The following PPFIBP1 variants were observed in gnomAD, a reference collection of about 807,000 sequenced individuals.
The protein encoded by PPFIBP1 is PPFIB scaffold protein 1.
In PPFIBP1, 112 loss-of-function variants were observed where a neutral mutation model predicts 137.8. That is an observed-to-expected ratio of 0.81 (90% CI 0.70 to 0.95). The LOEUF (loss-of-function observed/expected upper bound fraction) is 0.95, where lower values mean the gene tolerates loss of function less well. Among genes scored for constraint, PPFIBP1 ranks in the 40% least tolerant of loss-of-function variants. The probability of loss-of-function intolerance (pLI) is 0.00; values close to 1 mark genes in which losing one functional copy is unlikely to be tolerated. For synonymous variants in PPFIBP1, 378 were observed against 417.3 expected, an observed-to-expected ratio of 0.91 and a Z score of 1.15; for missense variants, 1,083 against 1,196.6, an observed-to-expected ratio of 0.91 and a Z score of 1.40.
intron 15 of PPFIBP1, among the ~76,000 whole-genome samples, chr12:27,673,003 G>T (rs1292944924): frequency 1.3e-5 from 2 of 152,076 alleles, no homozygotes; most frequent in Non-Finnish European, 2.9e-5. Flanking sequence ...TACTTTATTT[G>T]GTAGTTGATA....
chr12:27,626,213 A>T lies in PPFIBP1; in HGVS notation c.-35-7149A>T, dbSNP rs945483064. Among the ~76,000 whole-genome samples, 11 of 152,202 alleles carry T rather than the reference A, an allele frequency of 7.2e-5. 1 individual carries two copies. The highest frequency in any genetic ancestry group is 2.7e-4 in the African/African-American group (11 of 41,462). ...AGAAACAGAAAACAAGGAGGGTTGT[A>T]TTTAAGAATCTCTAAAATGTTGCAC... On this transcript the variant is annotated intron_variant, in intron 2 of 29. Coordinates refer to ENST00000228425, the MANE Select transcript of PPFIBP1 (RefSeq NM_003622.4).
intron 25 of PPFIBP1, chr12:27,688,086 T>C: frequency 4.3e-6 from 2 of 464,032 alleles, no homozygotes; most frequent in South Asian, 5.8e-5. Flanking sequence ...GACCCTGTCT[T>C]AAAAAAAAAA....
intron 2 of PPFIBP1, among the ~76,000 whole-genome samples, chr12:27,614,746 A>T (rs565008580): frequency 6.6e-6 from 1 of 152,186 alleles, no homozygotes; most frequent in South Asian, 2.1e-4. Flanking sequence ...TTTTTTCAAT[A>T]AAAAAAATAA....
chr12:27,667,472 T>C, intron 13 of PPFIBP1, 152 bp downstream of exon 13: 1 of 640,716 alleles, frequency 1.6e-6, no homozygotes. Context: ...CTTTGGCCAC[T>C]TCTGATGGTG....
intron 4 of PPFIBP1, chr12:27,636,304 T>C (rs1248649013): frequency 2.0e-5 from 3 of 152,132 alleles, no homozygotes; most frequent in African/African-American, 4.8e-5. Context: ...CTATTATACT[T>C]TCTATTTGCT....
Position 27,658,843 on chromosome 12 carries a change from A to G in PPFIBP1, c.839A>G (p.Glu280Gly). The change falls in exon 10 of 30, where the codon GAA becomes GGA. Residue 280 changes from glutamate to glycine, a missense_variant. Physicochemically the swap from Glu to Gly is moderately conservative, Grantham distance 98 (BLOSUM62 -2). Coordinates refer to ENST00000228425, the MANE Select transcript of PPFIBP1 (RefSeq NM_003622.4). The stretch of plus-strand genomic sequence containing the variant: ...GAAAATTTTAAAAAGAAGCTCAAAG[A>G]AAAAAGTAAGGTTTGGTGCATTTCC... Reference protein sequence around the residue: ...RDENFKKKLKEKNIEVQKMKK... With the variant: ...RDENFKKKLKGKNIEVQKMKK... The G allele has an allele frequency of 1.2e-6, 2 of 1,613,192 alleles. No homozygotes were observed. The highest frequency in any genetic ancestry group is 1.7e-6 in the Non-Finnish European group (2 of 1,179,336).
rs1236626509 is a variant in PPFIBP1 at position 27,641,477 on chromosome 12, A to G, written c.271-4585A>G. On this transcript the variant is annotated intron_variant, in intron 4 of 29. Coordinates refer to ENST00000228425, the MANE Select transcript of PPFIBP1 (RefSeq NM_003622.4). ...TCCTACCTTCCGTGAAGTAATAACT[A>G]TTGAAATGGAATGGCAAGTGCATGG... is the stretch of plus-strand genomic sequence containing the variant. Among the ~76,000 whole-genome samples, 3 of 152,186 alleles carry G rather than the reference A, an allele frequency of 2.0e-5. No homozygotes were observed. In the East Asian group the frequency reaches 5.8e-4, roughly 29 times the overall value.
Position 27,671,502 on chromosome 12 carries a change from A to G in PPFIBP1, c.1218A>G (p.Glu406=), listed in dbSNP as rs762817755. 1 of 1,603,208 alleles carries G rather than the reference A, an allele frequency of 6.2e-7. No individual in the cohort carries two copies. The highest frequency in any genetic ancestry group is 1.1e-5 in the South Asian group (1 of 89,046). The part of the protein sequence containing the change: ...LPATVSMETS[E]KSKLTPKPET... ...CAACTGTAAGCATGGAAACTTCTGA[A>G]AAATCAAAGTTGACTCCTAAGCCAG... The change falls in exon 14 of 30, where the codon GAA becomes GAG. Residue 406 remains glutamate, a synonymous_variant. Transcript: ENST00000228425.
Position 27,679,099 on chromosome 12 carries a change from T to G in PPFIBP1, c.1616-390T>G, listed in dbSNP as rs554237075. On this transcript the variant is annotated intron_variant, in intron 19 of 29. Coordinates refer to ENST00000228425, the MANE Select transcript of PPFIBP1 (RefSeq NM_003622.4). ...AGCAGGGGTGCTACAGCAAAGACAC[T>G]ATCAGATGACAGATGTAGGAGAGTG... 5.3e-5 allele frequency among the ~76,000 whole-genome samples: 8 copies of G among 152,148 alleles called. No homozygotes were observed. In the South Asian group the frequency reaches 1.7e-3, roughly 32 times the overall value.
chr12:27,554,046 G>A (rs1468776740), intron 1 of PPFIBP1, among the ~76,000 whole-genome samples: 1 of 152,140 alleles, frequency 6.6e-6, no homozygotes, highest in African/African-American at 2.4e-5. Context: ...TGATACCAAG[G>A]GCTGCTTGAC....
At chr12:27,535,122 G>A (rs975677452) in intron 1 of PPFIBP1, among the ~76,000 whole-genome samples, 2 of 152,134 alleles carry the variant, frequency 1.3e-5, no homozygotes, top group Admixed American at 1.3e-4. Context: ...TATAGAATCC[G>A]TGGAGCCTGT....
chr12:27,594,693 A>G (rs1783026047), intron 2 of PPFIBP1, among the ~76,000 whole-genome samples: 1 of 152,236 alleles, frequency 6.6e-6, no homozygotes, highest in African/African-American at 2.4e-5. Context: ...ATTATATAAA[A>G]TTGGAAAAAT....
chr12:27,589,689 A>G (rs906162478), intron 2 of PPFIBP1, among the ~76,000 whole-genome samples: 7 of 152,226 alleles, frequency 4.6e-5, no homozygotes, highest in African/African-American at 1.7e-4. Context: ...AGAACAGTGC[A>G]TCTTATTCAG....
intron 2 of PPFIBP1, among the ~76,000 whole-genome samples, chr12:27,585,647 C>G (rs376328706): frequency 4.3e-4 from 65 of 152,118 alleles, no homozygotes; most frequent in African/African-American, 1.5e-3. Context: ...TTTTGTAAGT[C>G]TGGATAAAAT....
intron 4 of PPFIBP1, chr12:27,635,428 A>G (rs1473550308): frequency 1.2e-5 from 6 of 501,700 alleles, no homozygotes; most frequent in South Asian, 9.5e-5. Context: ...AATCTTGCAC[A>G]TGATAGATGA....
chr12:27,632,556 A>G (rs2057338432), intron 2 of PPFIBP1, among the ~76,000 whole-genome samples: 1 of 152,222 alleles, frequency 6.6e-6, no homozygotes, highest in South Asian at 2.1e-4. Context: ...ATTGTGATGT[A>G]ATTTCAGGAT....
intron 2 of PPFIBP1, among the ~76,000 whole-genome samples, chr12:27,619,391 T>C (rs1406808972): frequency 1.3e-5 from 2 of 152,238 alleles, no homozygotes; most frequent in Non-Finnish European, 2.9e-5. Flanking sequence ...ACACATTTTT[T>C]TTTCAAATAT....
chr12:27,691,528 A>G (rs2061543119), intron 27 of PPFIBP1, among the ~76,000 whole-genome samples: 1 of 152,230 alleles, frequency 6.6e-6, no homozygotes, highest in Non-Finnish European at 1.5e-5. Context: ...GATTCATAAC[A>G]AGGGTCATTT....
At chr12:27,652,554 G>T (rs2058937830) in intron 7 of PPFIBP1, among the ~76,000 whole-genome samples, 1 of 152,184 alleles carries the variant, frequency 6.6e-6, no homozygotes, top group Non-Finnish European at 1.5e-5. Context: ...AGCTTGTGTT[G>T]TCAGGGGAAG....
Sources: allele counts gnomAD v4.1 joint callset (sites outside exome capture counted in the v4.1 genomes callset), GRCh38; gene constraint gnomAD v4.1.1; transcripts MANE v1.5; gene names NCBI Gene and HGNC (gene_info 2026-07-23, HGNC 2026-07-21).